DCUN1D4: variants seen among roughly 807,000 people sequenced by gnomAD.
DCUN1D4 encodes the protein DCN1-like protein 4.
DCUN1D4 carries 22 observed loss-of-function variants against 47.9 expected under a neutral mutation model. That is an observed-to-expected ratio of 0.46 (90% CI 0.33 to 0.66). The LOEUF (loss-of-function observed/expected upper bound fraction) is 0.66, where lower values mean the gene tolerates loss of function less well. Ranked by LOEUF, DCUN1D4 falls within the 30% of genes least tolerant of loss-of-function variation. The pLI, the probability that DCUN1D4 is intolerant of heterozygous loss-of-function variation, is 0.02. For missense variants in DCUN1D4, 301 were observed against 340.8 expected, an observed-to-expected ratio of 0.88 and a Z score of 0.92; for synonymous variants, 121 against 112.2, an observed-to-expected ratio of 1.08 and a Z score of -0.50.
At chr4:51,852,543 A>G (rs1055049511) in intron 1 of DCUN1D4, among the ~76,000 whole-genome samples, 2 of 152,214 alleles carry the variant, frequency 1.3e-5, no homozygotes, top group African/African-American at 4.8e-5. Context: ...ATTTAAGTCC[A>G]ATAGCTAGTG....
chr4:51,906,456 C>G lies in DCUN1D4; in HGVS notation c.616-4614C>G, dbSNP rs114258565. Among the ~76,000 whole-genome samples the G allele has an allele frequency of 2.4e-3, 368 of 152,328 alleles. 2 individuals carry two copies. Among genetic ancestry groups the G allele is most frequent in the African/African-American group, 8.7e-3 (360 of 41,574 alleles). ...TAAATCTCCTGCAATCATTTGGATTCACTTCCTCTTCTGATGTGAGTCAGC... is the reference window on the plus strand; with the variant it reads ...TAAATCTCCTGCAATCATTTGGATTGACTTCCTCTTCTGATGTGAGTCAGC... On this transcript the variant is annotated intron_variant, in intron 8 of 10. Transcript: ENST00000334635.
At chr4:51,860,681 A>G (rs905947070) in intron 1 of DCUN1D4, 1 of 454,100 alleles carries the variant, frequency 2.2e-6, no homozygotes, top group South Asian at 1.6e-5. Flanking sequence ...GAGGTGCCAC[A>G]CACTTTTAAA....
At chr4:51,873,178 C>T (rs1387361428) in intron 3 of DCUN1D4, among the ~76,000 whole-genome samples, 1 of 152,196 alleles carries the variant, frequency 6.6e-6, no homozygotes, top group Non-Finnish European at 1.5e-5. Context: ...AGCCCTGGGC[C>T]TTCAACCAAG....
intron 3 of DCUN1D4, among the ~76,000 whole-genome samples, chr4:51,871,273 GAAAGCATTTATCAATAAGA>G (rs1560476762): frequency 6.6e-6 from 1 of 152,066 alleles, no homozygotes; most frequent in African/African-American, 2.4e-5. Flanking sequence ...ACTTTTAATA[GAAAGCATTTATCAATAAGA>G]AAGAAACATA....
At chr4:51,906,213 C>T (rs758719831) in intron 8 of DCUN1D4, among the ~76,000 whole-genome samples, 7 of 152,098 alleles carry the variant, frequency 4.6e-5, no homozygotes, top group South Asian at 4.1e-4. Flanking sequence ...CCCAGCAGAA[C>T]GTGCCAGCTG....
chr4:51,891,821 A>G lies in DCUN1D4; in HGVS notation c.476A>G (p.Gln159Arg). Residue 159 changes from glutamine (Q) to arginine (R), a missense_variant, in exon 7 of 11, where the codon CAG (glutamine) becomes CGG (arginine). By Grantham distance (43) the Gln-to-Arg change is conservative (BLOSUM62 1). This residue lies in a region of DCUN1D4 where 170 missense variants were observed against 234.5 expected (regional missense o/e 0.73). Transcript: ENST00000334635. ...DAQNMGYFTL[Q>R]EWLKGMTSLQ... is the part of the protein sequence containing the mutation. The stretch of plus-strand genomic sequence containing the variant: ...CAAAACATGGGTTATTTTACTCTAC[A>G]GGAGTGGTTAAAAGGAATGACTTCT... 1 of 1,612,622 alleles carries G rather than the reference A, an allele frequency of 6.2e-7. No homozygotes were observed. The highest frequency in any genetic ancestry group is 8.5e-7 in the Non-Finnish European group (1 of 1,179,214).
chr4:51,894,018 C>T (rs149100803), intron 7 of DCUN1D4, among the ~76,000 whole-genome samples: 432 of 152,246 alleles, frequency 2.8e-3, no homozygotes, highest in Admixed American at 6.8e-3. Flanking sequence ...TCTGCGTCTG[C>T]GTTCTGAGTC....
intron 1 of DCUN1D4, among the ~76,000 whole-genome samples, chr4:51,851,424 T>C (rs1259107711): frequency 6.6e-6 from 1 of 152,122 alleles, no homozygotes; most frequent in Non-Finnish European, 1.5e-5. Flanking sequence ...GCAGGTGGCA[T>C]ATGGGGTCAG....
chr4:51,905,662 T>C (rs550791786), intron 8 of DCUN1D4, among the ~76,000 whole-genome samples: 1 of 152,276 alleles, frequency 6.6e-6, no homozygotes, highest in South Asian at 2.1e-4. Context: ...GTTATAAATA[T>C]CAGTCCATTG....
chr4:51,905,723 G>T (rs1732784191), intron 8 of DCUN1D4, among the ~76,000 whole-genome samples: 1 of 152,168 alleles, frequency 6.6e-6, no homozygotes, highest in South Asian at 2.1e-4. Context: ...TCAAGGTTGT[G>T]CAGAGGCTGG....
At chr4:51,911,874 C>T (rs1314936540) in intron 9 of DCUN1D4, among the ~76,000 whole-genome samples, 1 of 152,058 alleles carries the variant, frequency 6.6e-6, no homozygotes, top group Non-Finnish European at 1.5e-5. Flanking sequence ...TTCCCTCCTG[C>T]CCCAAGCCCT....
At position 51,907,239 on chromosome 4, in the gene DCUN1D4, C is replaced by G. The variant is rs1260544896; in HGVS notation, c.616-3831C>G. Reference sequence around the variant, plus strand: ...TTTCCTTTTGTTTTAAAGGAAGTGTCAAGAATTGAGCTTAATTGATTGCCT... The same window carrying G: ...TTTCCTTTTGTTTTAAAGGAAGTGTGAAGAATTGAGCTTAATTGATTGCCT... On this transcript the variant is annotated intron_variant, in intron 8 of 10. Transcript: ENST00000334635. 4.6e-5 allele frequency among the ~76,000 whole-genome samples: 7 copies of G among 152,250 alleles called. No individual in the cohort carries two copies. The East Asian group carries it at 1.4e-3, about 29-fold the overall frequency.
rs535282592 is a variant in DCUN1D4 at position 51,912,196 on chromosome 4, A to G, written c.720+1022A>G. ...TGACAATCCCTTGAGATGAGTTAGC[A>G]TTATTTGGAAAAATAAATAGAAATA... is the stretch of plus-strand genomic sequence containing the variant. On this transcript the variant is annotated intron_variant, in intron 9 of 10. Coordinates refer to ENST00000334635, the MANE Select transcript of DCUN1D4 (RefSeq NM_001040402.3). Among the ~76,000 whole-genome samples the G allele has an allele frequency of 2.6e-5, 4 of 152,324 alleles. No homozygotes were observed. The East Asian group carries it at 7.7e-4, about 29-fold the overall frequency.
chr4:51,870,571 TGA>T (rs2109955967), intron 3 of DCUN1D4, among the ~76,000 whole-genome samples: 2 of 152,286 alleles, frequency 1.3e-5, no homozygotes, highest in Admixed American at 6.5e-5. Flanking sequence ...AAATATTTAC[TGA>T]GAGTCTACCG....
At chr4:51,907,142 G>A (rs1733016101) in intron 8 of DCUN1D4, among the ~76,000 whole-genome samples, 1 of 152,138 alleles carries the variant, frequency 6.6e-6, no homozygotes, top group Non-Finnish European at 1.5e-5. Flanking sequence ...CATTTTTTTA[G>A]AGTAGTGCTT....
intron 1 of DCUN1D4, among the ~76,000 whole-genome samples, chr4:51,848,525 C>G (rs951853433): frequency 1.3e-5 from 2 of 152,194 alleles, no homozygotes; most frequent in Non-Finnish European, 1.5e-5. Flanking sequence ...TTTGATGAAT[C>G]TGACATAAAT....
chr4:51,882,891 A>G (rs1280545842), intron 5 of DCUN1D4, among the ~76,000 whole-genome samples: 1 of 152,204 alleles, frequency 6.6e-6, no homozygotes, highest in Non-Finnish European at 1.5e-5. Context: ...CCCCGGCTCT[A>G]TGCAGCTGCT....
chr4:51,844,559 G>T (rs1002401615), intron 1 of DCUN1D4, among the ~76,000 whole-genome samples: 2 of 151,954 alleles, frequency 1.3e-5, no homozygotes, highest in Non-Finnish European at 2.9e-5. Flanking sequence ...CCGTGGGTTT[G>T]ATAGTCTGTG....
upstream of DCUN1D4, among the ~76,000 whole-genome samples, chr4:51,839,703 T>C (rs533744926): frequency 1.3e-5 from 2 of 152,320 alleles, no homozygotes; most frequent in Admixed American, 1.3e-4. Context: ...TTAATTCCTC[T>C]CTGTCCTGTG....
Sources: allele counts gnomAD v4.1 joint callset (sites outside exome capture counted in the v4.1 genomes callset), GRCh38; gene constraint gnomAD v4.1.1; regional missense constraint gnomAD v4.1.1; transcripts MANE v1.5; gene names NCBI Gene and HGNC (gene_info 2026-07-23, HGNC 2026-07-21).